SLC7A2: variants seen among roughly 807,000 people sequenced by gnomAD.
SLC7A2 encodes the protein solute carrier family 7 member 2, also known as cationic amino acid transporter 2.
A neutral mutation model predicts 58.9 loss-of-function variants in SLC7A2; 48 were observed. The observed-to-expected ratio is 0.82, with a 90% CI of 0.65 to 1.04. The LOEUF is 1.04. SLC7A2 is among the 50% of genes least tolerant of loss of function. SLC7A2 has a pLI of 0.00. For synonymous variants in SLC7A2, 363 were observed against 314.5 expected (o/e 1.15, Z -1.63); for missense variants, 1,029 against 818.8 (o/e 1.26, Z -3.13).
intron 2 of SLC7A2, among the ~76,000 whole-genome samples, chr8:17,523,298 C>T (rs1256894956): frequency 6.6e-6 from 1 of 152,090 alleles, no homozygotes; most frequent in Non-Finnish European, 1.5e-5. Context: ...AAAGAGCCCA[C>T]ATAGCTAAAG....
At chr8:17,494,482 G>A (rs888142968), upstream of SLC7A2, among the ~76,000 whole-genome samples, 1 of 152,156 alleles carries the variant, frequency 6.6e-6, no homozygotes, top group African/African-American at 2.4e-5. Context: ...ATAAACCAGG[G>A]AGCGTGAAAT....
chr8:17,547,827 C>T (rs2015840), intron 4 of SLC7A2, among the ~76,000 whole-genome samples: 26,254 of 140,730 alleles, frequency 0.19, 2,524 homozygotes, highest in Non-Finnish European at 0.23. Context: ...TGTGTGTTTA[C>T]AAAATTTGGG....
chr8:17,541,006 T>G (rs1317502203), intron 2 of SLC7A2, among the ~76,000 whole-genome samples: 1 of 152,198 alleles, frequency 6.6e-6, no homozygotes, highest in Non-Finnish European at 1.5e-5. Flanking sequence ...TGGGTATGTT[T>G]ATCAGTTGTG....
chr8:17,541,744 T>C (rs1293723488), intron 2 of SLC7A2, among the ~76,000 whole-genome samples: 2 of 152,208 alleles, frequency 1.3e-5, no homozygotes, highest in African/African-American at 4.8e-5. Context: ...TGGAGACAAA[T>C]TAGAAATAGG....
intron 2 of SLC7A2, among the ~76,000 whole-genome samples, chr8:17,535,858 A>G (rs1163376970): frequency 6.6e-6 from 1 of 152,032 alleles, no homozygotes; most frequent in Non-Finnish European, 1.5e-5. Context: ...AGCCGAGATC[A>G]TGCCACTGCA....
intron 8 of SLC7A2, chr8:17,555,142 T>C (rs777486955): frequency 1.3e-6 from 2 of 1,536,222 alleles, no homozygotes; most frequent in Non-Finnish European, 1.8e-6. Context: ...TTCGCATGCA[T>C]GGACTTATAA....
chr8:17,558,402 G>A lies in SLC7A2; in HGVS notation c.1298+5G>A, dbSNP rs767237643. On this transcript the variant is annotated splice_donor_5th_base_variant and intron_variant, in intron 9 of 12. Coordinates refer to ENST00000494857, the MANE Select transcript of SLC7A2 (RefSeq NM_001370338.1). ...AGCCTGTGTTCTCATCCTCAGGTGA[G>A]TCACCTGGTGGTTCTACAGGGTGTA... is the stretch of plus-strand genomic sequence containing the variant. 20 of 1,582,698 alleles carry A rather than the reference G, an allele frequency of 1.3e-5. No homozygotes were observed. The highest frequency in any genetic ancestry group is 1.6e-5 in the Non-Finnish European group (19 of 1,152,490).
chr8:17,526,646 C>T (rs1348960455), intron 2 of SLC7A2, among the ~76,000 whole-genome samples: 1 of 151,916 alleles, frequency 6.6e-6, no homozygotes, highest in African/African-American at 2.4e-5. Flanking sequence ...GAGGTAGTCA[C>T]CTTTATTTTC....
intron 2 of SLC7A2, among the ~76,000 whole-genome samples, chr8:17,539,112 A>G (rs1801799991): frequency 6.6e-6 from 1 of 152,210 alleles, no homozygotes; most frequent in Non-Finnish European, 1.5e-5. Flanking sequence ...ATTTCCTGGA[A>G]TCGTTGAAAG....
intron 2 of SLC7A2, among the ~76,000 whole-genome samples, chr8:17,534,874 T>A (rs1801599266): frequency 6.6e-6 from 1 of 152,096 alleles, no homozygotes. Flanking sequence ...AATCCGTGTG[T>A]CCCTTCCCAC....
chr8:17,538,658 C>G (rs1283597539), intron 2 of SLC7A2: 2 of 662,066 alleles, frequency 3.0e-6, no homozygotes, highest in Non-Finnish European at 2.4e-6. Flanking sequence ...TATCTTGGAA[C>G]TTTAACATTG....
chr8:17,528,887 A>G (rs1268472753), intron 2 of SLC7A2, among the ~76,000 whole-genome samples: 1 of 152,116 alleles, frequency 6.6e-6, no homozygotes, highest in African/African-American at 2.4e-5. Flanking sequence ...CTGCATAAGG[A>G]GAAGACAGGA....
rs1802002000 is a variant in SLC7A2 at position 17,543,352 on chromosome 8, A to T, written c.13A>T (p.Arg5Ter). The T allele has an allele frequency of 6.2e-7, 1 of 1,612,098 alleles. No individual in the cohort carries two copies. Among genetic ancestry groups the T allele is most frequent in the African/African-American group, 1.3e-5 (1 of 74,870 alleles). The change falls in exon 3 of 13, where the codon AGA becomes TGA. Residue 5 changes from arginine (R) to a stop codon, truncating the protein, a stop_gained. Transcript: ENST00000494857. LOFTEE classifies it high-confidence loss of function. MIPC[R>*]AALTFARCLI... is the part of the protein sequence containing the mutation. The stretch of plus-strand genomic sequence containing the variant: ...GTCAGACGTCAGAATGATTCCTTGC[A>T]GAGCCGCGCTGACCTTTGCCCGATG...
At chr8:17,494,408 A>T (rs1396412487), upstream of SLC7A2, among the ~76,000 whole-genome samples, 2 of 152,176 alleles carry the variant, frequency 1.3e-5, no homozygotes, top group South Asian at 2.1e-4. Flanking sequence ...AAAATGACTA[A>T]GTTGGATTTT....
chr8:17,551,688 G>GAATTTCACACAATTT, intron 6 of SLC7A2, 76 bp from the exon 7 acceptor site: 1 of 1,094,554 alleles, frequency 9.1e-7, no homozygotes, highest in Non-Finnish European at 1.4e-6. Context: ...AGAAGAGGAA[G>GAATTTCACACAATTT]AATTTCACAC....
chr8:17,533,893 T>TA (rs1755385178), intron 2 of SLC7A2, among the ~76,000 whole-genome samples: 1 of 152,220 alleles, frequency 6.6e-6, no homozygotes. Flanking sequence ...ATTAGCTGTT[T>TA]ATCCTGATGC....
At chr8:17,527,931 A>AT (rs1189090345) in intron 2 of SLC7A2, among the ~76,000 whole-genome samples, 5 of 152,242 alleles carry the variant, frequency 3.3e-5, no homozygotes, top group South Asian at 2.1e-4. Context: ...ACTAATTAGG[A>AT]TTTTTTTATG....
At chr8:17,509,620 A>G (rs1800519683) in intron 2 of SLC7A2, among the ~76,000 whole-genome samples, 3 of 152,090 alleles carry the variant, frequency 2.0e-5, no homozygotes, top group South Asian at 2.1e-4. Flanking sequence ...CTTTATTATT[A>G]TTAAGTACAA....
chr8:17,550,376 G>A lies in SLC7A2; in HGVS notation c.774G>A (p.Leu258=), dbSNP rs766575591. The change falls in exon 6 of 13, where the codon TTG becomes TTA. Residue 258 remains leucine (L), a synonymous_variant. Transcript: ENST00000494857. ...TGCCTTATGGCTTTACGGGAACGTTGGCTGGTGCTGCAACTTGCTTTTATG... is the reference window on the plus strand; with the variant it reads ...TGCCTTATGGCTTTACGGGAACGTTAGCTGGTGCTGCAACTTGCTTTTATG... ...GFMPYGFTGT[L]AGAATCFYAF... is the part of the protein sequence containing the mutation. The A allele has an allele frequency of 1.9e-6, 3 of 1,614,058 alleles. No homozygotes were observed. Among genetic ancestry groups the A allele is most frequent in the Non-Finnish European group, 2.5e-6 (3 of 1,179,970 alleles).
Sources: allele counts gnomAD v4.1 joint callset (sites outside exome capture counted in the v4.1 genomes callset), GRCh38; gene constraint gnomAD v4.1.1; transcripts MANE v1.5; gene names NCBI Gene and HGNC (gene_info 2026-07-23, HGNC 2026-07-21).